Variants in PPP1R3G observed in about 807,000 individuals in gnomAD.
PPP1R3G encodes the protein protein phosphatase 1, regulatory (inhibitor) subunit 3G.
Under a neutral mutation model 2.0 loss-of-function variants are expected in PPP1R3G, and 3 were observed. The observed-to-expected ratio is 1.47, with a 90% CI of 0.67 to 3.81. PPP1R3G has a LOEUF of 3.81. PPP1R3G is among the 30% of genes most tolerant of loss of function. The pLI, the probability that PPP1R3G is intolerant of heterozygous loss-of-function variation, is 0.02. For synonymous variants in PPP1R3G, 267 were observed against 250.9 expected (o/e 1.06, Z -0.61); for missense variants, 595 against 517.0 (o/e 1.15, Z -1.46).
At position 5,088,396 on chromosome 6, in the gene PPP1R3G, T is replaced by G. The variant is rs1762101831; in HGVS notation, c.*1834T>G. On this transcript the variant is annotated 3_prime_UTR_variant, in exon 1 of 1. Transcript: ENST00000405617. ...AGGCGTGAGCCACCTCACCTGGCCT[T>G]ACATTTTTAAATTGTTGAAAAAAAT... 6.6e-6 allele frequency: 1 copy of G among 152,242 alleles called. No individual in the cohort carries two copies. Among genetic ancestry groups the G allele is most frequent in the African/African-American group, 2.4e-5 (1 of 41,464 alleles). 9.4% of individuals were successfully genotyped at this position (152,242 alleles called of 1,614,324 possible).
In PPP1R3G at chr6:5,086,021, G is replaced by A; in HGVS notation, c.536G>A (p.Gly179Glu). The A allele has an allele frequency of 2.0e-6, 3 of 1,496,494 alleles. No homozygotes were observed. Among genetic ancestry groups the A allele is most frequent in the Non-Finnish European group, 2.7e-6 (3 of 1,129,764 alleles). The allele number at this position is 1,496,494 out of a possible 1,614,324, so 92.7% of individuals were successfully genotyped here. A position where few individuals can be genotyped will look rare whatever the true frequency, so the allele number is the denominator to read the frequency against. ...MRAEDLEQLG[G>E]LLAAAAVAAP... The stretch of plus-strand genomic sequence containing the variant: ...GCCGAGGACCTGGAGCAGCTCGGGG[G>A]GCTGCTGGCCGCGGCGGCAGTGGCC... Residue 179 changes from glycine (G) to glutamate (E), a missense_variant, in exon 1 of 1, where the codon GGG becomes GAG. Physicochemically the swap from Gly to Glu is moderately conservative, Grantham distance 98 (BLOSUM62 -2). Coordinates refer to ENST00000405617, the MANE Select transcript of PPP1R3G (RefSeq NM_001145115.3).
chr6:5,086,055 T>C lies in PPP1R3G; in HGVS notation c.570T>C (p.Leu190=). The change falls in exon 1 of 1, where the codon CTT becomes CTC. Residue 190 remains leucine (L), a synonymous_variant. Transcript: ENST00000405617. ...CCGCGGCGGCAGTGGCCGCGCCCCT[T>C]TCAGCGCCGCCTTCCCGGCTCCGGC... is the stretch of plus-strand genomic sequence containing the variant. The part of the protein sequence containing the change: ...LLAAAAVAAP[L]SAPPSRLRPL... The C allele has an allele frequency of 6.8e-7, 1 of 1,478,710 alleles. No individual in the cohort carries two copies. Among genetic ancestry groups the C allele is most frequent in the East Asian group, 2.9e-5 (1 of 35,074 alleles). 91.6% of individuals were successfully genotyped at this position (1,478,710 alleles called of 1,614,324 possible).
Position 5,086,281 on chromosome 6 carries a change from G to C in PPP1R3G, c.796G>C (p.Glu266Gln). The part of the protein sequence containing the change: ...EWRSFLDVPA[E>Q]LQPEPLEPQQ... ...GCGCTCCTTCCTGGACGTGCCGGCT[G>C]AGCTGCAGCCCGAGCCGCTGGAGCC... Residue 266 changes from glutamate to glutamine, a missense_variant, in exon 1 of 1, where the codon GAG (glutamate) becomes CAG (glutamine). Coordinates refer to ENST00000405617, the MANE Select transcript of PPP1R3G (RefSeq NM_001145115.3). The C allele has an allele frequency of 6.5e-7, 1 of 1,535,578 alleles. No individual in the cohort carries two copies.
At position 5,086,337 on chromosome 6, in the gene PPP1R3G, C is replaced by T. The variant is rs926669397; in HGVS notation, c.852C>T (p.Ser284=). The T allele has an allele frequency of 1.8e-5, 27 of 1,535,686 alleles. No homozygotes were observed. The highest frequency in any genetic ancestry group is 2.4e-5 in the Non-Finnish European group (27 of 1,146,732). Residue 284 remains serine (S), a synonymous_variant, in exon 1 of 1, where the codon TCC becomes TCT. Transcript: ENST00000405617. ...PQQPEAPSGA[S]EPGSGDAKKE... ...AGCCAGAGGCACCGTCTGGGGCCTCCGAGCCAGGGTCCGGGGATGCCAAGA... is the reference window on the plus strand; with the variant it reads ...AGCCAGAGGCACCGTCTGGGGCCTCTGAGCCAGGGTCCGGGGATGCCAAGA...
In PPP1R3G at chr6:5,086,065, C is replaced by G; in HGVS notation, c.580C>G (p.Pro194Ala). The G allele has an allele frequency of 6.8e-7, 1 of 1,474,302 alleles. No individual in the cohort carries two copies. Among genetic ancestry groups the G allele is most frequent in the Non-Finnish European group, 8.9e-7 (1 of 1,120,734 alleles). The allele number at this position is 1,474,302 out of a possible 1,614,324, so 91.3% of individuals were successfully genotyped here. The part of the protein sequence containing the change: ...AAVAAPLSAP[P>A]SRLRPLFQLP... ...AGTGGCCGCGCCCCTTTCAGCGCCG[C>G]CTTCCCGGCTCCGGCCGCTCTTCCA... is the stretch of plus-strand genomic sequence containing the variant. The change falls in exon 1 of 1, where the codon CCT becomes GCT. Residue 194 changes from proline to alanine, a missense_variant. Pro to Ala is a conservative substitution (Grantham distance 27, BLOSUM62 -1). Coordinates refer to ENST00000405617, the MANE Select transcript of PPP1R3G (RefSeq NM_001145115.3).
rs910274223 is a variant in PPP1R3G, at chr6:5,086,926, G to T, written c.*364G>T. 5 of 271,710 alleles carry T rather than the reference G, an allele frequency of 1.8e-5. No individual in the cohort carries two copies. The Admixed American group carries it at 1.9e-4, about 11-fold the overall frequency. 16.8% of individuals were successfully genotyped at this position (271,710 alleles called of 1,614,324 possible). A position where few individuals can be genotyped will look rare whatever the true frequency, so the allele number is the denominator to read the frequency against. On this transcript the variant is annotated 3_prime_UTR_variant, in exon 1 of 1. Coordinates refer to ENST00000405617, the MANE Select transcript of PPP1R3G (RefSeq NM_001145115.3). ...CCCGGGCATGGTTCTAAGGCCTTGG[G>T]ATTGGTTTTTAACTCTAAATATCAT...
chr6:5,086,752 A>AG lies in PPP1R3G; in HGVS notation c.*191dup. 1 of 595,746 alleles carries AG rather than the reference A, an allele frequency of 1.7e-6. No individual in the cohort carries two copies. The highest frequency in any genetic ancestry group is 2.9e-6 in the Non-Finnish European group (1 of 339,380). The allele number at this position is 595,746 out of a possible 1,614,324, so 36.9% of individuals were successfully genotyped here. A position where few individuals can be genotyped will look rare whatever the true frequency, so the allele number is the denominator to read the frequency against. ...CGCAGACAAGTGAGCGAGCTTAGAGAGCCCGGGCAATGCTCCGAAAGCCTC... is the reference window on the plus strand; with the variant it reads ...CGCAGACAAGTGAGCGAGCTTAGAGAGGCCCGGGCAATGCTCCGAAAGCCTC... On this transcript the variant is annotated 3_prime_UTR_variant, in exon 1 of 1. Transcript: ENST00000405617.
Position 5,085,816 on chromosome 6 carries a change from G to A in PPP1R3G, c.331G>A (p.Gly111Ser), listed in dbSNP as rs1350944368. 3.3e-6 allele frequency: 5 copies of A among 1,527,808 alleles called. No individual in the cohort carries two copies. Among genetic ancestry groups the A allele is most frequent in the Non-Finnish European group, 4.4e-6 (5 of 1,141,232 alleles). 94.6% of individuals were successfully genotyped at this position (1,527,808 alleles called of 1,614,324 possible). ...QQQQQAVALG[G>S]EGAEDAQLGP... ...GCAGCAACAGGCGGTGGCACTGGGC[G>A]GCGAGGGGGCGGAGGACGCACAGCT... Residue 111 changes from glycine (G) to serine (S), a missense_variant, in exon 1 of 1, where the codon GGC becomes AGC. Coordinates refer to ENST00000405617, the MANE Select transcript of PPP1R3G (RefSeq NM_001145115.3).
Position 5,085,513 on chromosome 6 carries a change from T to C in PPP1R3G, c.28T>C (p.Leu10=), listed in dbSNP as rs765693595. The change falls in exon 1 of 1, where the codon TTG becomes CTG. Residue 10 remains leucine, a synonymous_variant. Coordinates refer to ENST00000405617, the MANE Select transcript of PPP1R3G (RefSeq NM_001145115.3). MEPIGARLS[L]EAPGPAPFRE... ...GGAGCCCATAGGGGCGCGGCTAAGT[T>C]TGGAGGCGCCGGGACCAGCGCCCTT... 1.3e-6 allele frequency: 2 copies of C among 1,537,658 alleles called. No individual in the cohort carries two copies. Among genetic ancestry groups the C allele is most frequent in the South Asian group, 2.4e-5 (2 of 83,786 alleles).
In PPP1R3G at chr6:5,089,278, G is replaced by A. The variant is rs1372653467; in HGVS notation, c.*2716G>A. On this transcript the variant is annotated 3_prime_UTR_variant, in exon 1 of 1. Coordinates refer to ENST00000405617, the MANE Select transcript of PPP1R3G (RefSeq NM_001145115.3). ...TCTGATGCATCATCAGGTAATCTTG[G>A]TCTGATATACCATTTCTTAAAAGTA... 1 of 152,034 alleles carries A rather than the reference G, an allele frequency of 6.6e-6. No homozygotes were observed. Among genetic ancestry groups the A allele is most frequent in the Non-Finnish European group, 1.5e-5 (1 of 68,004 alleles). The allele number at this position is 152,034 out of a possible 1,614,324, so 9.4% of individuals were successfully genotyped here. A position where few individuals can be genotyped will look rare whatever the true frequency, so the allele number is the denominator to read the frequency against.
rs1761960485 is a variant in PPP1R3G, at chr6:5,085,499, G to A, written c.14G>A (p.Gly5Glu). The change falls in exon 1 of 1, where the codon GGG becomes GAG. Residue 5 changes from glycine to glutamate, a missense_variant. Transcript: ENST00000405617. ...GCGAACGGCGTCATGGAGCCCATAG[G>A]GGCGCGGCTAAGTTTGGAGGCGCCG... MEPI[G>E]ARLSLEAPGP... is the part of the protein sequence containing the mutation. The A allele has an allele frequency of 6.5e-7, 1 of 1,536,230 alleles. No individual in the cohort carries two copies. The highest frequency in any genetic ancestry group is 1.2e-5 in the South Asian group (1 of 83,758).
Position 5,085,444 on chromosome 6 carries a change from GGGCCCGGTTC to G in PPP1R3G, c.-35_-26del. 1 of 1,429,038 alleles carries G rather than the reference GGGCCCGGTTC, an allele frequency of 7.0e-7. No individual in the cohort carries two copies. The highest frequency in any genetic ancestry group is 9.4e-7 in the Non-Finnish European group (1 of 1,062,304). The allele number at this position is 1,429,038 out of a possible 1,614,324, so 88.5% of individuals were successfully genotyped here. On this transcript the variant is annotated 5_prime_UTR_variant, in exon 1 of 1. Coordinates refer to ENST00000405617, the MANE Select transcript of PPP1R3G (RefSeq NM_001145115.3). ...CGAGGAGTTAGTTAAGTCTCCAGAG[GGGCCCGGTTC>G]GGCCCGAGCAAGTCCAGGGGCGAAC...
rs990424702 is a variant in PPP1R3G, at chr6:5,088,224, A to C, written c.*1662A>C. On this transcript the variant is annotated 3_prime_UTR_variant, in exon 1 of 1. Coordinates refer to ENST00000405617, the MANE Select transcript of PPP1R3G (RefSeq NM_001145115.3). ...ATTCTCCTGCCTCAGCCTCCAGAGT[A>C]GTTGGGAGTACAGGCATCTGCCACC... 1.3e-5 allele frequency: 2 copies of C among 152,352 alleles called. No homozygotes were observed. Among genetic ancestry groups the C allele is most frequent in the Non-Finnish European group, 2.9e-5 (2 of 68,196 alleles). The allele number at this position is 152,352 out of a possible 1,614,324, so 9.4% of individuals were successfully genotyped here.
At position 5,088,078 on chromosome 6, in the gene PPP1R3G, T is replaced by A. The variant is rs796099986; in HGVS notation, c.*1516T>A. The A allele has an allele frequency of 6.6e-5, 10 of 152,144 alleles. No individual in the cohort carries two copies. Among genetic ancestry groups the A allele is most frequent in the African/African-American group, 2.4e-4 (10 of 41,406 alleles). 9.4% of individuals were successfully genotyped at this position (152,144 alleles called of 1,614,324 possible). On this transcript the variant is annotated 3_prime_UTR_variant, in exon 1 of 1. Transcript: ENST00000405617. ...TGACCTAAGAATAGTTTTTACATTT[T>A]TATTTTTAATTTAATTTTCTTATTA...
At position 5,085,603 on chromosome 6, in the gene PPP1R3G, G is replaced by A. The variant is rs868103551; in HGVS notation, c.118G>A (p.Asp40Asn). 3.2e-5 allele frequency: 49 copies of A among 1,547,136 alleles called. 2 individuals are homozygous for A. In the Middle Eastern group the frequency reaches 2.3e-3, roughly 74 times the overall value. ...GGTCCCCTGTGTGCAGGGTGGCGGC[G>A]ACGGCGGTGGCGCTTCGGAGACCCC... ...PVVPCVQGGG[D>N]GGGASETPSP... is the part of the protein sequence containing the mutation. Residue 40 changes from aspartate to asparagine, a missense_variant, in exon 1 of 1, where the codon GAC (aspartate) becomes AAC (asparagine). Physicochemically the swap from Asp to Asn is conservative, Grantham distance 23. Coordinates refer to ENST00000405617, the MANE Select transcript of PPP1R3G (RefSeq NM_001145115.3).
In PPP1R3G at chr6:5,088,876, T is replaced by C. The variant is rs1304204664; in HGVS notation, c.*2314T>C. On this transcript the variant is annotated 3_prime_UTR_variant, in exon 1 of 1. Coordinates refer to ENST00000405617, the MANE Select transcript of PPP1R3G (RefSeq NM_001145115.3). ...TGTTGCCTTCTTTCACCTAAAAAAATAGTAACACATCAGTGCAACTGAAAC... is the reference window on the plus strand; with the variant it reads ...TGTTGCCTTCTTTCACCTAAAAAAACAGTAACACATCAGTGCAACTGAAAC... The C allele has an allele frequency of 1.3e-5, 2 of 152,204 alleles. No individual in the cohort carries two copies. Among genetic ancestry groups the C allele is most frequent in the African/African-American group, 4.8e-5 (2 of 41,456 alleles). The allele number at this position is 152,204 out of a possible 1,614,324, so 9.4% of individuals were successfully genotyped here.
chr6:5,086,698 G>A lies in PPP1R3G; in HGVS notation c.*136G>A, dbSNP rs1469151564. Reference sequence around the variant, plus strand: ...TGAGGGGCGCGTGGAGGGAAAGGAGGGAGACTTTGAACCGTCGACTCGCAC... The same window carrying A: ...TGAGGGGCGCGTGGAGGGAAAGGAGAGAGACTTTGAACCGTCGACTCGCAC... On this transcript the variant is annotated 3_prime_UTR_variant, in exon 1 of 1. Coordinates refer to ENST00000405617, the MANE Select transcript of PPP1R3G (RefSeq NM_001145115.3). 6 of 738,608 alleles carry A rather than the reference G, an allele frequency of 8.1e-6. No individual in the cohort carries two copies. The highest frequency in any genetic ancestry group is 2.9e-5 in the Admixed American group (1 of 34,098). 45.8% of individuals were successfully genotyped at this position (738,608 alleles called of 1,614,324 possible). A position where few individuals can be genotyped will look rare whatever the true frequency, so the allele number is the denominator to read the frequency against.
In PPP1R3G at chr6:5,089,006, G is replaced by T. The variant is rs1407871137; in HGVS notation, c.*2444G>T. On this transcript the variant is annotated 3_prime_UTR_variant, in exon 1 of 1. Coordinates refer to ENST00000405617, the MANE Select transcript of PPP1R3G (RefSeq NM_001145115.3). The stretch of plus-strand genomic sequence containing the variant: ...ATGGAAGTATTTAGTTTGAACTTTG[G>T]GTTGGAGATATCCCTTTGACTATGG... 1 of 152,176 alleles carries T rather than the reference G, an allele frequency of 6.6e-6. No homozygotes were observed. Among genetic ancestry groups the T allele is most frequent in the East Asian group, 1.9e-4 (1 of 5,202 alleles). The allele number at this position is 152,176 out of a possible 1,614,324, so 9.4% of individuals were successfully genotyped here. A position where few individuals can be genotyped will look rare whatever the true frequency, so the allele number is the denominator to read the frequency against.
Position 5,086,411 on chromosome 6 carries a change from G to A in PPP1R3G, c.926G>A (p.Gly309Asp), listed in dbSNP as rs1041570921. The A allele has an allele frequency of 5.2e-6, 8 of 1,536,262 alleles. No individual in the cohort carries two copies. Among genetic ancestry groups the A allele is most frequent in the Admixed American group, 2.0e-5 (1 of 50,986 alleles). ...CFHFSLCLPP[G>D]LQPEDEEDAD... ...CACTTCTCGCTGTGCCTGCCCCCGG[G>A]CCTGCAGCCTGAGGACGAAGAGGAC... The change falls in exon 1 of 1, where the codon GGC (glycine) becomes GAC (aspartate). Residue 309 changes from glycine (G) to aspartate (D), a missense_variant. Coordinates refer to ENST00000405617, the MANE Select transcript of PPP1R3G (RefSeq NM_001145115.3).
Sources: gnomAD v4.1 joint callset for allele counts on GRCh38, gnomAD v4.1.1 for gene constraint, MANE v1.5 for transcripts, NCBI Gene and HGNC (gene_info 2026-07-23, HGNC 2026-07-21) for gene names.